SPOCK3: variants seen among roughly 807,000 people sequenced by gnomAD.
The protein encoded by SPOCK3 is SPARC (osteonectin), cwcv and kazal like domains proteoglycan 3, also known as testican-3.
SPOCK3 carries 30 observed loss-of-function variants against 56.6 expected under a neutral mutation model. That is an observed-to-expected ratio of 0.53 (90% CI 0.40 to 0.72). SPOCK3 has a LOEUF of 0.72. SPOCK3 is among the 30% of genes least tolerant of loss of function. The pLI is 0.00. For missense variants in SPOCK3, 527 were observed against 530.0 expected, an observed-to-expected ratio of 0.99 and a Z score of 0.06; for synonymous variants, 196 against 183.3, an observed-to-expected ratio of 1.07 and a Z score of -0.56.
chr4:166,775,602 ATC>A (rs958964090), intron 7 of SPOCK3, among the ~76,000 whole-genome samples: 4 of 152,282 alleles, frequency 2.6e-5, no homozygotes, highest in African/African-American at 7.2e-5. Flanking sequence ...ACTGAACAAA[ATC>A]TTAAAGGTAA....
intron 6 of SPOCK3, among the ~76,000 whole-genome samples, chr4:166,796,750 T>C (rs1741979412): frequency 6.6e-6 from 1 of 152,146 alleles, no homozygotes; most frequent in African/African-American, 2.4e-5. Context: ...TCTTCATAAA[T>C]AAAAAATATT....
intron 2 of SPOCK3, among the ~76,000 whole-genome samples, chr4:167,205,257 AT>A (rs1178979614): frequency 2.6e-5 from 2 of 77,306 alleles, no homozygotes; most frequent in East Asian, 3.2e-4. Context: ...TATTATATAT[AT>A]TTTATATCTA....
chr4:167,175,344 A>G (rs1294324134), intron 2 of SPOCK3, among the ~76,000 whole-genome samples: 1 of 152,156 alleles, frequency 6.6e-6, no homozygotes, highest in Non-Finnish European at 1.5e-5. Flanking sequence ...ACCTTTGTCA[A>G]ATCAAAGTTA....
intron 5 of SPOCK3, 65 bp from the exon 6 acceptor site, chr4:166,889,309 T>G (rs1178484400): frequency 1.9e-6 from 2 of 1,049,102 alleles, no homozygotes; most frequent in African/African-American, 3.2e-5. Context: ...ACTCAAGAAA[T>G]TTTTAGAAAG....
intron 2 of SPOCK3, among the ~76,000 whole-genome samples, chr4:167,179,959 A>G (rs1731305012): frequency 6.6e-6 from 1 of 152,188 alleles, no homozygotes; most frequent in African/African-American, 2.4e-5. Context: ...TACAGGATGG[A>G]CAGAGGAGCA....
chr4:167,178,284 T>C (rs543225878), intron 2 of SPOCK3, among the ~76,000 whole-genome samples: 2 of 152,296 alleles, frequency 1.3e-5, no homozygotes, highest in Admixed American at 1.3e-4. Context: ...GGGTTTCACT[T>C]CTCAACATTT....
At chr4:167,161,907 G>C (rs1005458141) in intron 2 of SPOCK3, among the ~76,000 whole-genome samples, 1 of 136,114 alleles carries the variant, frequency 7.3e-6, no homozygotes, top group African/African-American at 2.6e-5. Flanking sequence ...GGGGGAGGGG[G>C]AAGGGATAGC....
At chr4:166,917,621 G>A (rs146294834) in intron 4 of SPOCK3, among the ~76,000 whole-genome samples, 8 of 152,220 alleles carry the variant, frequency 5.3e-5, no homozygotes, top group Admixed American at 4.6e-4. Context: ...CAGGGTCACT[G>A]TCACTCACTT....
At chr4:166,738,681 C>G (rs1239222561) in intron 9 of SPOCK3, among the ~76,000 whole-genome samples, 2 of 135,422 alleles carry the variant, frequency 1.5e-5, no homozygotes, top group African/African-American at 5.5e-5. Flanking sequence ...CATGTGTTCT[C>G]ATTGTTCAAT....
intron 4 of SPOCK3, among the ~76,000 whole-genome samples, chr4:166,972,810 T>C (rs1163335172): frequency 2.0e-5 from 3 of 151,840 alleles, no homozygotes; most frequent in Non-Finnish European, 4.4e-5. Context: ...AGTAAATTAC[T>C]ACTAACAATA....
rs758993992 is a variant in SPOCK3 at position 166,792,214 on chromosome 4, C to G, written c.665G>C (p.Ser222Thr). Residue 222 changes from serine (S) to threonine (T), a missense_variant, in exon 7 of 11, where the codon AGT becomes ACT. Physicochemically the swap from Ser to Thr is moderately conservative, Grantham distance 58. Coordinates refer to ENST00000357545, the MANE Select transcript of SPOCK3 (RefSeq NM_001040159.2). ...CAATGTTTTTGTCTTCTTGTTTTGA[C>G]TTCCACTTTCATGAAGGGCCTTGAA... ...DWFKALHESG[S>T]QNKKTKTLLR... 1 of 1,613,930 alleles carries G rather than the reference C, an allele frequency of 6.2e-7. No individual in the cohort carries two copies. The highest frequency in any genetic ancestry group is 8.5e-7 in the Non-Finnish European group (1 of 1,179,880).
At chr4:167,178,258 C>T (rs1375783555) in intron 2 of SPOCK3, among the ~76,000 whole-genome samples, 3 of 152,144 alleles carry the variant, frequency 2.0e-5, no homozygotes, top group East Asian at 1.9e-4. Context: ...TCTGCCTGAA[C>T]GAGTGCCAAT....
chr4:166,904,337 C>A (rs1736386456), intron 5 of SPOCK3, among the ~76,000 whole-genome samples: 2 of 151,952 alleles, frequency 1.3e-5, no homozygotes, highest in African/African-American at 2.4e-5. Flanking sequence ...TTCATTAATA[C>A]ATTAATTTAG....
chr4:166,740,060 G>A (rs1734674207), intron 9 of SPOCK3, among the ~76,000 whole-genome samples: 1 of 152,074 alleles, frequency 6.6e-6, no homozygotes, highest in Non-Finnish European at 1.5e-5. Context: ...TGTATAGTTA[G>A]TGTGACCATA....
At chr4:167,193,099 GT>G (rs1732615373) in intron 2 of SPOCK3, among the ~76,000 whole-genome samples, 1 of 145,954 alleles carries the variant, frequency 6.9e-6, no homozygotes, top group African/African-American at 2.6e-5. Flanking sequence ...TTATGTGTCT[GT>G]TGGGTCCATT....
intron 6 of SPOCK3, among the ~76,000 whole-genome samples, chr4:166,804,619 A>G (rs577376787): frequency 1.3e-5 from 2 of 152,288 alleles, no homozygotes; most frequent in East Asian, 1.9e-4. Context: ...AAATCTTCAT[A>G]TACATTTAGA....
chr4:167,068,222 T>C (rs957256131), intron 2 of SPOCK3, among the ~76,000 whole-genome samples: 1 of 151,596 alleles, frequency 6.6e-6, no homozygotes, highest in Non-Finnish European at 1.5e-5. Context: ...TAAGGAATAA[T>C]AGAACATCAG....
At chr4:166,836,655 T>A (rs6552687) in intron 6 of SPOCK3, among the ~76,000 whole-genome samples, 112,512 of 151,996 alleles carry the variant, frequency 0.74, 41,702 homozygotes, top group South Asian at 0.8. Context: ...CCTCATCTAG[T>A]GCCCTATGGA....
rs1765645489 is a variant in SPOCK3, at chr4:167,165,121, TA to T, written c.189+68863del. On this transcript the variant is annotated intron_variant, in intron 2 of 10. Coordinates refer to ENST00000357545, the MANE Select transcript of SPOCK3 (RefSeq NM_001040159.2). ...CATCTATTGTTTTCTGACTTTTTCC[TA>T]AACAATACCATTCAGGACATAGGCA... 2.0e-5 allele frequency among the ~76,000 whole-genome samples: 3 copies of T among 152,164 alleles called. No homozygotes were observed. The South Asian group carries it at 6.2e-4, about 31-fold the overall frequency.
Sources: gnomAD v4.1 joint callset for allele counts (sites outside exome capture counted in the v4.1 genomes callset) on GRCh38, gnomAD v4.1.1 for gene constraint, MANE v1.5 for transcripts, NCBI Gene and HGNC (gene_info 2026-07-23, HGNC 2026-07-21) for gene names.